GLIS3: variants seen among roughly 807,000 people sequenced by gnomAD.
GLIS3 encodes zinc finger protein GLIS3.
GLIS3 carries 53 observed loss-of-function variants against 78.6 expected under a neutral mutation model. The observed-to-expected ratio is 0.67, with a 90% CI of 0.54 to 0.85. GLIS3 has a LOEUF of 0.85. GLIS3 is among the 40% of genes least tolerant of loss of function. The pLI is 0.00. For synonymous variants in GLIS3, 684 were observed against 509.9 expected (o/e 1.34, Z -4.60); for missense variants, 1,703 against 1,231.1 (o/e 1.38, Z -5.74).
Position 4,211,331 on chromosome 9 carries a change from G to A in GLIS3, c.388+74707C>T, listed in dbSNP as rs1224806586. Among the ~76,000 whole-genome samples, 6 of 152,314 alleles carry A rather than the reference G, an allele frequency of 3.9e-5. No individual in the cohort carries two copies. The East Asian group carries it at 9.6e-4, about 24-fold the overall frequency. On this transcript the variant is annotated intron_variant, in intron 2 of 10. Coordinates refer to ENST00000381971, the MANE Select transcript of GLIS3 (RefSeq NM_001042413.2). Reference sequence around the variant, plus strand: ...CTCACTGGATGGCTGTCAACAGTGGGTTTTCCAGCAGGCTCCTAAGACAGC... The same window carrying A: ...CTCACTGGATGGCTGTCAACAGTGGATTTTCCAGCAGGCTCCTAAGACAGC...
chr9:4,331,964 C>T (rs528262621), intron 2 of GLIS3, among the ~76,000 whole-genome samples: 3 of 152,222 alleles, frequency 2.0e-5, no homozygotes, highest in Non-Finnish European at 4.4e-5. Context: ...GAGACTAAAG[C>T]ATGAGCCCTT....
intron 4 of GLIS3, among the ~76,000 whole-genome samples, chr9:4,091,912 G>A (rs1005453878): frequency 6.6e-6 from 1 of 152,024 alleles, no homozygotes; most frequent in Non-Finnish European, 1.5e-5. Flanking sequence ...AAAAGGTACA[G>A]TAAAAATACC....
chr9:4,080,930 G>A (rs955278869), intron 4 of GLIS3, among the ~76,000 whole-genome samples: 1 of 152,194 alleles, frequency 6.6e-6, no homozygotes, highest in Non-Finnish European at 1.5e-5. Context: ...GGTGTTTGAG[G>A]TGGGTCTGCT....
intron 9 of GLIS3, among the ~76,000 whole-genome samples, chr9:3,833,175 A>G (rs897927129): frequency 3.3e-5 from 5 of 152,326 alleles, no homozygotes; most frequent in Admixed American, 6.5e-5. Flanking sequence ...GACACAGGAA[A>G]CTGTCAAAAC....
chr9:4,124,320 A>C (rs1481814628), intron 3 of GLIS3, among the ~76,000 whole-genome samples: 1 of 152,234 alleles, frequency 6.6e-6, no homozygotes, highest in Non-Finnish European at 1.5e-5. Context: ...CCAGAAAACA[A>C]TGAGATAATG....
the GLIS3 span, among the ~76,000 whole-genome samples, chr9:4,486,015 C>G: frequency 2.0e-5 from 3 of 152,188 alleles, no homozygotes; most frequent in African/African-American, 7.2e-5. Context: ...AGCCGCCGCA[C>G]CTGGCCCGAC....
At chr9:4,317,960 G>T (rs1292943363) in intron 2 of GLIS3, among the ~76,000 whole-genome samples, 1 of 152,148 alleles carries the variant, frequency 6.6e-6, no homozygotes, top group Non-Finnish European at 1.5e-5. Context: ...TATTAAAAAA[G>T]CACATCTACA....
intron 4 of GLIS3, among the ~76,000 whole-genome samples, chr9:4,014,469 G>T (rs1220583355): frequency 6.6e-6 from 1 of 152,138 alleles, no homozygotes; most frequent in African/African-American, 2.4e-5. Flanking sequence ...GTTTTTATAA[G>T]AAGAGGAGAG....
chr9:4,198,114 A>G (rs1819035112), intron 2 of GLIS3, among the ~76,000 whole-genome samples: 1 of 152,178 alleles, frequency 6.6e-6, no homozygotes, highest in Admixed American at 6.5e-5. Flanking sequence ...TAGTAACGCC[A>G]CCAAAGAATA....
chr9:4,233,796 A>T (rs948589717), intron 2 of GLIS3, among the ~76,000 whole-genome samples: 1 of 152,180 alleles, frequency 6.6e-6, no homozygotes, highest in African/African-American at 2.4e-5. Flanking sequence ...CTTCCAATAG[A>T]AGGCTGTTTT....
At chr9:4,321,821 G>A (rs891364868) in intron 2 of GLIS3, among the ~76,000 whole-genome samples, 3 of 152,006 alleles carry the variant, frequency 2.0e-5, no homozygotes, top group Admixed American at 6.6e-5. Flanking sequence ...TGATTCTCAT[G>A]CCTCACCCTC....
chr9:4,007,169 T>C (rs1391376934), intron 4 of GLIS3, among the ~76,000 whole-genome samples: 1 of 152,158 alleles, frequency 6.6e-6, no homozygotes, highest in Non-Finnish European at 1.5e-5. Flanking sequence ...AGGGTCACAG[T>C]GCTTGGTTCA....
chr9:4,225,269 T>G (rs555027634), intron 2 of GLIS3, among the ~76,000 whole-genome samples: 151 of 152,302 alleles, frequency 9.9e-4, no homozygotes, highest in African/African-American at 3.5e-3. Flanking sequence ...AATTTTGGCC[T>G]AGGACCTGTG....
intron 4 of GLIS3, among the ~76,000 whole-genome samples, chr9:3,940,966 C>T (rs1197728905): frequency 1.2e-4 from 18 of 152,162 alleles, no homozygotes; most frequent in South Asian, 2.1e-4. Flanking sequence ...GGTCCCTAGA[C>T]GAGCAACGCT....
chr9:3,877,935 C>T (rs1011197417), intron 8 of GLIS3, among the ~76,000 whole-genome samples: 1 of 152,160 alleles, frequency 6.6e-6, no homozygotes, highest in African/African-American at 2.4e-5. Flanking sequence ...TTCTTCACTC[C>T]TAGCAGGATA....
the GLIS3 span, among the ~76,000 whole-genome samples, chr9:4,478,083 G>A: frequency 4.3e-4 from 66 of 152,194 alleles, no homozygotes; most frequent in African/African-American, 7.2e-4. Context: ...ACTGATTCCA[G>A]TTTCAGGGCA....
intron 8 of GLIS3, among the ~76,000 whole-genome samples, chr9:3,860,147 T>C (rs1023992041): frequency 4.6e-5 from 7 of 151,592 alleles, no homozygotes; most frequent in African/African-American, 1.7e-4. Context: ...TAGTGGTGGG[T>C]GCCTGTAGTC....
rs760535978 is a variant in GLIS3 at position 4,053,705 on chromosome 9, T to TAAAAAAAAAA, written c.1710+64053_1710+64062dup. ...AGTGCCTACTTGTTTTCTTTCTTCA[T>TAAAAAAAAAA]AAAAAAAAAAAAAAAAAATTCTGGA... On this transcript the variant is annotated intron_variant, in intron 4 of 10. Transcript: ENST00000381971. Among the ~76,000 whole-genome samples, 299 of 91,082 alleles carry TAAAAAAAAAA rather than the reference T, an allele frequency of 3.3e-3. 18 individuals are homozygous for TAAAAAAAAAA. The highest frequency in any genetic ancestry group is 0.031 in the East Asian group (84 of 2,692). The allele number at this position is 91,082 out of a possible 152,430, so 59.8% of individuals were successfully genotyped here. A position where few individuals can be genotyped will look rare whatever the true frequency, so the allele number is the denominator to read the frequency against.
At chr9:4,249,013 G>A (rs1824088664) in intron 2 of GLIS3, among the ~76,000 whole-genome samples, 1 of 152,182 alleles carries the variant, frequency 6.6e-6, no homozygotes, top group African/African-American at 2.4e-5. Context: ...CAAGTACCAT[G>A]CTGTTTTGGT....
Sources: allele counts gnomAD v4.1 joint callset (sites outside exome capture counted in the v4.1 genomes callset), GRCh38; gene constraint gnomAD v4.1.1; transcripts MANE v1.5; gene names NCBI Gene and HGNC (gene_info 2026-07-23, HGNC 2026-07-21).